Variants in WT1 observed in about 807,000 individuals in gnomAD.
WT1 encodes the protein Wilms tumor protein.
A neutral mutation model predicts 60.8 loss-of-function variants in WT1; 8 were observed. The observed-to-expected ratio is 0.13, with a 90% CI of 0.08 to 0.24. The LOEUF is 0.24. Among genes scored for constraint, WT1 ranks in the 10% least tolerant of loss-of-function variants. WT1 has a pLI of 1.00. For synonymous variants in WT1, 312 were observed against 297.1 expected (o/e 1.05, Z -0.52); for missense variants, 568 against 711.8 (o/e 0.80, Z 2.30).
chr11:32,427,023 A>C (rs5030178), intron 3 of WT1, among the ~76,000 whole-genome samples: 78,674 of 151,952 alleles, frequency 0.52, 23,404 homozygotes, highest in African/African-American at 0.8. Flanking sequence ...CGCGGAGGGG[A>C]GGGAGGATGG....
intron 1 of WT1, chr11:32,428,884 C>A (rs1213381110): frequency 1.8e-6 from 1 of 540,630 alleles, no homozygotes; most frequent in Non-Finnish European, 3.3e-6. Context: ...ATGCCGCAGT[C>A]TTCTACGGTC....
At chr11:32,405,554 C>CTT in intron 5 of WT1, among the ~76,000 whole-genome samples, 1 of 149,874 alleles carries the variant, frequency 6.7e-6, no homozygotes, top group East Asian at 1.9e-4. Context: ...AGAATATATA[C>CTT]TTATACATAA....
Position 32,400,017 on chromosome 11 carries a change from G to A in WT1, c.1044C>T (p.Asn348=). Residue 348 remains asparagine (N), a synonymous_variant, in exon 6 of 10, where the codon AAC becomes AAT. Coordinates refer to ENST00000452863, the MANE Select transcript of WT1 (RefSeq NM_024426.6). ...CTCCGCAGAGGATGGGCGTTGTGTGGTTATCGCTCTCGTACCCTGTGCTGT... is the reference window on the plus strand; with the variant it reads ...CTCCGCAGAGGATGGGCGTTGTGTGATTATCGCTCTCGTACCCTGTGCTGT... 2 of 1,614,242 alleles carry A rather than the reference G, an allele frequency of 1.2e-6. No homozygotes were observed. The highest frequency in any genetic ancestry group is 1.7e-6 in the Non-Finnish European group (2 of 1,180,048).
chr11:32,393,767 G>A (rs781410511), intron 7 of WT1, among the ~76,000 whole-genome samples: 2 of 152,188 alleles, frequency 1.3e-5, no homozygotes, highest in Non-Finnish European at 2.9e-5. Flanking sequence ...AACTGCATGG[G>A]CCAATTTCCC....
intron 5 of WT1, 79 bp downstream of exon 5, chr11:32,416,411 C>T (rs1852671182): frequency 1.9e-6 from 3 of 1,585,682 alleles, no homozygotes; most frequent in Admixed American, 1.7e-5. Flanking sequence ...CCACGTCAGT[C>T]CTAACTCCTG....
rs142544508 is a variant in WT1, at chr11:32,414,078, T to C, written c.1016+2412A>G. On this transcript the variant is annotated intron_variant, in intron 5 of 9. Transcript: ENST00000452863. The stretch of plus-strand genomic sequence containing the variant: ...TTAGATAAATGTCCAGTTCACAAAA[T>C]GGAAGCGGAAATTCGTGGATTTACA... Among the ~76,000 whole-genome samples, 434 of 152,290 alleles carry C rather than the reference T, an allele frequency of 2.8e-3. 1 individual carries two copies. The highest frequency in any genetic ancestry group is 9.5e-3 in the African/African-American group (393 of 41,550).
intron 3 of WT1, among the ~76,000 whole-genome samples, chr11:32,425,361 C>A (rs1242049130): frequency 6.6e-6 from 1 of 152,086 alleles, no homozygotes; most frequent in African/African-American, 2.4e-5. Flanking sequence ...CCAGTAGAAG[C>A]ACCACTGAAT....
At chr11:32,415,869 T>C (rs956764138) in intron 5 of WT1, among the ~76,000 whole-genome samples, 2 of 151,824 alleles carry the variant, frequency 1.3e-5, no homozygotes, top group East Asian at 1.9e-4. Flanking sequence ...ACTCTGTTGA[T>C]TACTGAAGGA....
At chr11:32,418,880 G>T (rs1852764385) in intron 3 of WT1, among the ~76,000 whole-genome samples, 1 of 152,176 alleles carries the variant, frequency 6.6e-6, no homozygotes, top group Non-Finnish European at 1.5e-5. Flanking sequence ...ACTCCTTAGT[G>T]GTGGGTACAC....
chr11:32,412,358 C>T (rs1321162673), intron 5 of WT1, among the ~76,000 whole-genome samples: 1 of 152,138 alleles, frequency 6.6e-6, no homozygotes, highest in African/African-American at 2.4e-5. Context: ...CTTCTTGGAC[C>T]AGCAAAGGGA....
chr11:32,415,781 C>G (rs1012611752), intron 5 of WT1, among the ~76,000 whole-genome samples: 5 of 152,028 alleles, frequency 3.3e-5, no homozygotes, highest in African/African-American at 1.2e-4. Flanking sequence ...AAGAGGAGAT[C>G]TGGATAAAAC....
At position 32,387,959 on chromosome 11, in the gene WT1, C is replaced by T. The variant is rs746578571; in HGVS notation, c.*1099G>A. Reference sequence around the variant, plus strand: ...ATATTTACACAGTAATTTCAAGCAACGGTAAATAATAAATTCCCTCCCTTA... The same window carrying T: ...ATATTTACACAGTAATTTCAAGCAATGGTAAATAATAAATTCCCTCCCTTA... On this transcript the variant is annotated 3_prime_UTR_variant, in exon 10 of 10. Coordinates refer to ENST00000452863, the MANE Select transcript of WT1 (RefSeq NM_024426.6). 9.4e-5 allele frequency: 22 copies of T among 234,216 alleles called. No homozygotes were observed. The highest frequency in any genetic ancestry group is 1.4e-4 in the Non-Finnish European group (17 of 118,700). The allele number at this position is 234,216 out of a possible 1,614,324, so 14.5% of individuals were successfully genotyped here.
chr11:32,415,302 A>G (rs909676417), intron 5 of WT1, among the ~76,000 whole-genome samples: 4 of 152,188 alleles, frequency 2.6e-5, no homozygotes, highest in African/African-American at 9.7e-5. Flanking sequence ...AAAGGAAGGG[A>G]GCCAGAAAGA....
intron 3 of WT1, among the ~76,000 whole-genome samples, chr11:32,422,511 A>G (rs915344188): frequency 6.6e-6 from 1 of 152,230 alleles, no homozygotes; most frequent in Non-Finnish European, 1.5e-5. Context: ...ACAAGTGAAA[A>G]GAGGCATTAT....
At chr11:32,430,390 GA>G in intron 1 of WT1, 1 of 1,300,436 alleles carries the variant, frequency 7.7e-7, no homozygotes, top group Non-Finnish European at 1.0e-6. Flanking sequence ...CCGAATTTCT[GA>G]AAGGACACTA....
At chr11:32,390,153 G>A (rs1324878559) in intron 9 of WT1, among the ~76,000 whole-genome samples, 1 of 152,194 alleles carries the variant, frequency 6.6e-6, no homozygotes, top group Non-Finnish European at 1.5e-5. Flanking sequence ...TGGAAAAGCA[G>A]CTGCAGCTCC....
intron 3 of WT1, among the ~76,000 whole-genome samples, chr11:32,425,519 A>C (rs1853005419): frequency 6.6e-6 from 1 of 152,210 alleles, no homozygotes; most frequent in Non-Finnish European, 1.5e-5. Flanking sequence ...AACTGTAGTA[A>C]TGTTGGTGCA....
At chr11:32,426,391 A>G (rs941578652) in intron 3 of WT1, among the ~76,000 whole-genome samples, 2 of 152,202 alleles carry the variant, frequency 1.3e-5, no homozygotes, top group South Asian at 4.1e-4. Flanking sequence ...AAGAATGGCA[A>G]TGGCCCCGCT....
chr11:32,396,224 G>A (rs766344955), intron 7 of WT1, 33 bp downstream of exon 7: 1 of 1,613,988 alleles, frequency 6.2e-7, no homozygotes, highest in Non-Finnish European at 8.5e-7. Context: ...CTTGAACCAT[G>A]TTTGCCCAAG....
Sources: allele counts gnomAD v4.1 joint callset (sites outside exome capture counted in the v4.1 genomes callset), GRCh38; gene constraint gnomAD v4.1.1; transcripts MANE v1.5; gene names NCBI Gene and HGNC (gene_info 2026-07-23, HGNC 2026-07-21).